LYPD1: variants seen among roughly 807,000 people sequenced by gnomAD.
The protein encoded by LYPD1 is ly6/PLAUR domain-containing protein 1.
A neutral mutation model predicts 14.2 loss-of-function variants in LYPD1; 14 were observed. The ratio of observed to expected loss-of-function variants is 0.99; its 90% CI spans 0.65 to 1.54. The LOEUF is 1.54. LYPD1 is among the 40% of genes most tolerant of loss of function. The pLI is 0.00. For missense variants in LYPD1, 165 were observed against 175.7 expected (o/e 0.94, Z 0.34); for synonymous variants, 85 against 70.6 (o/e 1.20, Z -1.02).
chr2:132,655,514 ATTTT>A (rs1180944589), intron 2 of LYPD1, among the ~76,000 whole-genome samples: 4 of 99,494 alleles, frequency 4.0e-5, no homozygotes, highest in East Asian at 3.0e-4. Flanking sequence ...GTTGAGAAGC[ATTTT>A]TTTTTTTTTT....
chr2:132,648,895 A>G (rs933028771), intron 2 of LYPD1, among the ~76,000 whole-genome samples: 1 of 152,118 alleles, frequency 6.6e-6, no homozygotes, highest in African/African-American at 2.4e-5. Context: ...GCTCCAGGCC[A>G]GGCACCCTGA....
intron 2 of LYPD1, among the ~76,000 whole-genome samples, chr2:132,667,332 C>T (rs1206924166): frequency 3.3e-5 from 5 of 152,176 alleles, no homozygotes; most frequent in Non-Finnish European, 7.3e-5. Flanking sequence ...GTCAAGCTAA[C>T]ATCTGCTTTC....
At chr2:132,647,431 T>C (rs1682158030) in intron 2 of LYPD1, among the ~76,000 whole-genome samples, 1 of 152,218 alleles carries the variant, frequency 6.6e-6, no homozygotes, top group Non-Finnish European at 1.5e-5. Context: ...TTGTTGTGTA[T>C]GTATGTGGCT....
rs1682023949 is a variant in LYPD1, at chr2:132,645,596, A to AT, written c.*448dup. On this transcript the variant is annotated 3_prime_UTR_variant, in exon 3 of 3. Transcript: ENST00000397463. Reference sequence around the variant, plus strand: ...GCTGCAGAGAATGGTTTTCAGGAGCATGAAGTTTGAATGTCAAGCGAGGGA... The same window carrying AT: ...GCTGCAGAGAATGGTTTTCAGGAGCATTGAAGTTTGAATGTCAAGCGAGGGA... 1 of 1,610,654 alleles carries AT rather than the reference A, an allele frequency of 6.2e-7. No homozygotes were observed. Among genetic ancestry groups the AT allele is most frequent in the Non-Finnish European group, 8.5e-7 (1 of 1,178,556 alleles).
Position 132,645,261 on chromosome 2 carries a change from C to T in LYPD1, c.*784G>A. On this transcript the variant is annotated 3_prime_UTR_variant, in exon 3 of 3. Transcript: ENST00000397463. Reference sequence around the variant, plus strand: ...CGTTTTTCTACCTCAGCTCGGTCATCAACCCGCTCCTGTACACGGTGTCCT... The same window carrying T: ...CGTTTTTCTACCTCAGCTCGGTCATTAACCCGCTCCTGTACACGGTGTCCT... 6.2e-7 allele frequency: 1 copy of T among 1,614,230 alleles called. No homozygotes were observed.
rs1052925695 is a variant in LYPD1, at chr2:132,643,730, G to T, written c.*2315C>A. 6.6e-6 allele frequency among the ~76,000 whole-genome samples: 1 copy of T among 152,136 alleles called. No individual in the cohort carries two copies. Among genetic ancestry groups the T allele is most frequent in the African/African-American group, 2.4e-5 (1 of 41,438 alleles). Reference sequence around the variant, plus strand: ...AGATGGGGTCTTGCTATGTTGCCTAGGTGGGTCTCAAATTTCTAGGCTTAA... The same window carrying T: ...AGATGGGGTCTTGCTATGTTGCCTATGTGGGTCTCAAATTTCTAGGCTTAA... On this transcript the variant is annotated 3_prime_UTR_variant, in exon 3 of 3. Coordinates refer to ENST00000397463, the MANE Select transcript of LYPD1 (RefSeq NM_144586.7).
chr2:132,646,079 A>G lies in LYPD1; in HGVS notation c.392T>C (p.Phe131Ser), dbSNP rs1376815851. Residue 131 changes from phenylalanine (F) to serine (S), a missense_variant, in exon 3 of 3, where the codon TTC (phenylalanine) becomes TCC (serine). Phe to Ser is a radical substitution (Grantham distance 155, BLOSUM62 -2). Transcript: ENST00000397463. Reference protein sequence around the residue: ...LRPGLRTTILFLKLALFSAHC With the variant: ...LRPGLRTTILSLKLALFSAHC The stretch of plus-strand genomic sequence containing the variant: ...TGCCGAGAAGAGGGCTAATTTGAGG[A>G]ACAGGATGGTGGTGCGGAGCCCTGG... 2 of 1,598,678 alleles carry G rather than the reference A, an allele frequency of 1.3e-6. No individual in the cohort carries two copies. The highest frequency in any genetic ancestry group is 1.7e-6 in the Non-Finnish European group (2 of 1,171,436).
chr2:132,665,563 G>A (rs533811732), intron 2 of LYPD1, among the ~76,000 whole-genome samples: 8 of 152,262 alleles, frequency 5.3e-5, no homozygotes, highest in African/African-American at 1.2e-4. Flanking sequence ...GATATTTTAC[G>A]ACATGCTGGC....
chr2:132,648,665 G>A (rs1032872046), intron 2 of LYPD1, among the ~76,000 whole-genome samples: 1 of 152,212 alleles, frequency 6.6e-6, no homozygotes, highest in African/African-American at 2.4e-5. Context: ...CAACTGCTAA[G>A]ACCCTCATGT....
At chr2:132,662,692 C>T (rs1229532199) in intron 2 of LYPD1, among the ~76,000 whole-genome samples, 2 of 152,234 alleles carry the variant, frequency 1.3e-5, no homozygotes, top group African/African-American at 4.8e-5. Context: ...GGCAGATTTC[C>T]TTTTCAAAGT....
rs1201408549 is a variant in LYPD1 at position 132,645,186 on chromosome 2, G to A, written c.*859C>T. On this transcript the variant is annotated 3_prime_UTR_variant, in exon 3 of 3. Coordinates refer to ENST00000397463, the MANE Select transcript of LYPD1 (RefSeq NM_144586.7). ...CTGCGGCCAAACCCAAGCACGACTG[G>A]ACGAGGTCCTACTTCCGGGCGTACA... The A allele has an allele frequency of 6.2e-7, 1 of 1,614,026 alleles. No homozygotes were observed. The highest frequency in any genetic ancestry group is 1.3e-5 in the African/African-American group (1 of 74,920).
Position 132,669,784 on chromosome 2 carries a change from G to T in LYPD1, c.52+97C>A. On this transcript the variant is annotated intron_variant, in intron 1 of 2. Transcript: ENST00000397463. The surrounding 1 kb of genome is among the most constrained non-coding windows in gnomAD (Gnocchi z 4.3). The stretch of plus-strand genomic sequence containing the variant: ...CTCCCGCTGGGCAGCCCCAGCGCAG[G>T]GCTGGCCCCGAGGTGGGCGCCTTGG... 3 of 1,549,514 alleles carry T rather than the reference G, an allele frequency of 1.9e-6. No individual in the cohort carries two copies. In the South Asian group the frequency reaches 3.6e-5, roughly 18 times the overall value.
chr2:132,669,992 AGGCTGCCCC>A lies in LYPD1; in HGVS notation c.-69_-61del. 4 of 1,593,856 alleles carry A rather than the reference AGGCTGCCCC, an allele frequency of 2.5e-6. No individual in the cohort carries two copies. The highest frequency in any genetic ancestry group is 8.5e-7 in the Non-Finnish European group (1 of 1,174,396). ...GCATCAGAGGAGGCGACAGCAGCGG[AGGCTGCCCC>A]GGCTGCAGCGGCTGTGGCTGCCGAG... On this transcript the variant is annotated 5_prime_UTR_variant, in exon 1 of 3. Coordinates refer to ENST00000397463, the MANE Select transcript of LYPD1 (RefSeq NM_144586.7). The surrounding 1 kb of genome is among the most constrained non-coding windows in gnomAD (Gnocchi z 4.3).
chr2:132,648,268 T>A (rs976001373), intron 2 of LYPD1, among the ~76,000 whole-genome samples: 2 of 146,440 alleles, frequency 1.4e-5, no homozygotes, highest in African/African-American at 2.4e-5. Context: ...TTTAAACTTT[T>A]AAAAAAATAT....
chr2:132,668,683 G>A (rs1206808608), intron 1 of LYPD1, 146 bp from the exon 2 acceptor site: 1 of 1,176,616 alleles, frequency 8.5e-7, no homozygotes, highest in African/African-American at 1.6e-5. Flanking sequence ...GGCTGGATGT[G>A]GCTGACACCG....
In LYPD1 at chr2:132,646,213, G is replaced by T. The variant is rs778294351; in HGVS notation, c.258C>A (p.Ser86=). Residue 86 remains serine (S), a synonymous_variant, in exon 3 of 3, where the codon TCC becomes TCA. Transcript: ENST00000397463. ...AGTTCAGTTTCCCTGGGGAGCAGAA[G>T]GACTGGTACCCGGCAGAGGCGATGA... ...ACLIASAGYQ[S]FCSPGKLNSV... 6.2e-7 allele frequency: 1 copy of T among 1,604,784 alleles called. No individual in the cohort carries two copies. The highest frequency in any genetic ancestry group is 1.3e-5 in the African/African-American group (1 of 74,730).
In LYPD1 at chr2:132,644,518, T is replaced by A. The variant is rs1271575092; in HGVS notation, c.*1527A>T. ...TAGGTGTGCATACCTAGTATGTATATGTCCAAAAAACATTCTTGGCGACAG... is the reference window on the plus strand; with the variant it reads ...TAGGTGTGCATACCTAGTATGTATAAGTCCAAAAAACATTCTTGGCGACAG... On this transcript the variant is annotated 3_prime_UTR_variant, in exon 3 of 3. Transcript: ENST00000397463. 1.3e-5 allele frequency among the ~76,000 whole-genome samples: 2 copies of A among 152,270 alleles called. No homozygotes were observed. The highest frequency in any genetic ancestry group is 2.9e-5 in the Non-Finnish European group (2 of 68,046).
intron 2 of LYPD1, among the ~76,000 whole-genome samples, chr2:132,647,855 T>C (rs1447753567): frequency 1.3e-5 from 2 of 152,158 alleles, no homozygotes; most frequent in Non-Finnish European, 2.9e-5. Context: ...AATTGCCACT[T>C]TGGGTGCTAT....
chr2:132,655,133 T>C (rs1386961042), intron 2 of LYPD1, among the ~76,000 whole-genome samples: 1 of 152,120 alleles, frequency 6.6e-6, no homozygotes, highest in Non-Finnish European at 1.5e-5. Flanking sequence ...GCTTATCCCT[T>C]TCCTGTTCCT....
Sources: gnomAD v4.1 joint callset for allele counts (sites outside exome capture counted in the v4.1 genomes callset) on GRCh38, gnomAD v4.1.1 for gene constraint, Gnocchi (gnomAD v3.1) non-coding constraint, MANE v1.5 for transcripts, NCBI Gene and HGNC (gene_info 2026-07-23, HGNC 2026-07-21) for gene names.